The following ANK1 variants were observed in gnomAD, a reference collection of about 807,000 sequenced individuals.
ANK1 encodes the protein ankyrin-1.
A neutral mutation model predicts 210.4 loss-of-function variants in ANK1; 51 were observed. The observed-to-expected ratio is 0.24, with a 90% CI of 0.19 to 0.31. The LOEUF is 0.31. ANK1 is among the 10% of genes least tolerant of loss of function. The pLI is 1.00. For synonymous variants in ANK1, 967 were observed against 1,025.9 expected (o/e 0.94, Z 1.10); for missense variants, 2,051 against 2,504.4 (o/e 0.82, Z 3.86).
chr8:41,853,172 T>C (rs561061367), intron 1 of ANK1, among the ~76,000 whole-genome samples: 1 of 152,220 alleles, frequency 6.6e-6, no homozygotes, highest in East Asian at 1.9e-4. Context: ...CATTCAACTT[T>C]CCAGGAACAC....
intron 5 of ANK1, 123 bp downstream of exon 5, chr8:41,727,127 C>T: frequency 2.6e-6 from 2 of 770,376 alleles, no homozygotes; most frequent in Non-Finnish European, 4.6e-6. Context: ...AGTGCAGCGA[C>T]CTGAAGGTCA....
intron 1 of ANK1, among the ~76,000 whole-genome samples, chr8:41,790,144 CTTTT>C: frequency 7.3e-6 from 1 of 136,968 alleles, no homozygotes; most frequent in African/African-American, 2.7e-5. Flanking sequence ...GGAAAGGAAT[CTTTT>C]TTTTTTTTTT....
rs761028727 is a variant in ANK1 at position 41,715,614 on chromosome 8, C to G, written c.1602+38G>C. 2.8e-5 allele frequency: 45 copies of G among 1,610,088 alleles called. No homozygotes were observed. In the East Asian group the frequency reaches 6.7e-4, roughly 24 times the overall value. ...CGAGCTCCAGGCCTGGCTGAGTGAG[C>G]CTGTTGCTTCCTTAGACCACGAGGC... is the stretch of plus-strand genomic sequence containing the variant. On this transcript the variant is annotated intron_variant, in intron 14 of 42. Transcript: ENST00000289734.
chr8:41,791,297 G>C (rs1006042849), intron 1 of ANK1, among the ~76,000 whole-genome samples: 1 of 138,440 alleles, frequency 7.2e-6, no homozygotes, highest in Non-Finnish European at 1.5e-5. Context: ...TCAGCCTCCC[G>C]AGTAGCTGGG....
At chr8:41,845,943 CT>C (rs1432902465) in intron 1 of ANK1, among the ~76,000 whole-genome samples, 1 of 152,184 alleles carries the variant, frequency 6.6e-6, no homozygotes, top group Non-Finnish European at 1.5e-5. Flanking sequence ...CTTTTTCCCC[CT>C]ACCTTCTCTC....
At chr8:41,868,401 G>T (rs1182065874) in intron 1 of ANK1, among the ~76,000 whole-genome samples, 3 of 152,188 alleles carry the variant, frequency 2.0e-5, no homozygotes, top group Admixed American at 2.0e-4. Flanking sequence ...GTGGGGAAGG[G>T]CAAAACCATT....
At chr8:41,740,455 CA>C (rs35170416) in intron 2 of ANK1, among the ~76,000 whole-genome samples, 37,588 of 151,990 alleles carry the variant, frequency 0.25, 5,462 homozygotes, top group East Asian at 0.56. Flanking sequence ...CCACCACGCC[CA>C]ATTGCCTGCT....
intron 1 of ANK1, among the ~76,000 whole-genome samples, chr8:41,824,701 C>T (rs932701996): frequency 8.5e-5 from 13 of 152,114 alleles, no homozygotes; most frequent in Non-Finnish European, 1.5e-4. Flanking sequence ...CTGCCCTGAC[C>T]CCGCCTTCGC....
At chr8:41,861,392 C>T (rs1409985862) in intron 1 of ANK1, among the ~76,000 whole-genome samples, 4 of 152,186 alleles carry the variant, frequency 2.6e-5, no homozygotes, top group Non-Finnish European at 5.9e-5. Context: ...ACAGAACCCC[C>T]GATGAACATT....
chr8:41,769,970 C>CTTTTTTTTTT (rs869176684), intron 1 of ANK1, among the ~76,000 whole-genome samples: 1 of 94,766 alleles, frequency 1.1e-5, no homozygotes, highest in African/African-American at 4.2e-5. Flanking sequence ...TTTTTTTTTT[C>CTTTTTTTTTT]TTTTTTCTTT....
chr8:41,790,389 C>T (rs929989959), intron 1 of ANK1, among the ~76,000 whole-genome samples: 74 of 152,240 alleles, frequency 4.9e-4, no homozygotes, highest in African/African-American at 1.7e-3. Flanking sequence ...TCAGGTGATC[C>T]GCTCAGCTCA....
chr8:41,860,438 TA>T (rs1264404378), intron 1 of ANK1, among the ~76,000 whole-genome samples: 1 of 152,144 alleles, frequency 6.6e-6, no homozygotes, highest in Non-Finnish European at 1.5e-5. Context: ...ACATCCTTGG[TA>T]AACACACAAC....
chr8:41,862,650 G>A (rs1313332489), intron 1 of ANK1, among the ~76,000 whole-genome samples: 1 of 141,194 alleles, frequency 7.1e-6, no homozygotes, highest in African/African-American at 2.8e-5. Context: ...GTTGAGAGAG[G>A]AGGCTCAGAC....
In ANK1 at chr8:41,653,940, C is replaced by G. The variant is rs1197562659; in HGVS notation, c.*1850G>C. The G allele has an allele frequency of 6.6e-6, 1 of 152,162 alleles. No individual in the cohort carries two copies. 9.4% of individuals were successfully genotyped at this position (152,162 alleles called of 1,614,324 possible). ...TAGGCCGCCCCGGGGCCTGCCTGGC[C>G]GGGGGTGCACCGGGGCGGATTTGTG... On this transcript the variant is annotated 3_prime_UTR_variant, in exon 43 of 43. Transcript: ENST00000289734.
rs1830159610 is a variant in ANK1, at chr8:41,724,444, C to A, written c.711+12G>T. 1.3e-6 allele frequency: 2 copies of A among 1,560,634 alleles called. No homozygotes were observed. The highest frequency in any genetic ancestry group is 1.9e-5 in the Admixed American group (1 of 52,614). On this transcript the variant is annotated intron_variant, in intron 7 of 42. Transcript: ENST00000289734. ...CCCCCGGACAGTGAGGGCGCACGTG[C>A]CCCAGGGTTACCTGTGGTGTGAAAT... is the stretch of plus-strand genomic sequence containing the variant.
At chr8:41,822,939 G>A (rs1804731607) in intron 1 of ANK1, among the ~76,000 whole-genome samples, 1 of 152,188 alleles carries the variant, frequency 6.6e-6, no homozygotes, top group Non-Finnish European at 1.5e-5. Flanking sequence ...TGTGTGCCTC[G>A]TTCTGGGTAG....
At chr8:41,807,130 C>T (rs936819314) in intron 1 of ANK1, among the ~76,000 whole-genome samples, 1 of 152,108 alleles carries the variant, frequency 6.6e-6, no homozygotes, top group African/African-American at 2.4e-5. Flanking sequence ...TATTATGTGC[C>T]AGTCATACTA....
chr8:41,882,966 T>C (rs1452284108), intron 1 of ANK1, among the ~76,000 whole-genome samples: 1 of 152,188 alleles, frequency 6.6e-6, no homozygotes, highest in Non-Finnish European at 1.5e-5. Context: ...GCAGGTGCTC[T>C]CCGCCCTCCC....
At chr8:41,742,658 C>T (rs181254944) in intron 2 of ANK1, among the ~76,000 whole-genome samples, 9 of 152,266 alleles carry the variant, frequency 5.9e-5, no homozygotes, top group African/African-American at 2.4e-5. Flanking sequence ...AATGATTGGT[C>T]GAGCCAGGCC....
Sources: allele counts gnomAD v4.1 joint callset (sites outside exome capture counted in the v4.1 genomes callset), GRCh38; gene constraint gnomAD v4.1.1; transcripts MANE v1.5; gene names NCBI Gene and HGNC (gene_info 2026-07-23, HGNC 2026-07-21).